Variants in MAGI2 observed in about 807,000 individuals in gnomAD.
MAGI2 encodes the protein membrane-associated guanylate kinase, WW and PDZ domain-containing protein 2.
A neutral mutation model predicts 133.3 loss-of-function variants in MAGI2; 35 were observed. That is an observed-to-expected ratio of 0.26 (90% CI 0.20 to 0.35). The LOEUF (loss-of-function observed/expected upper bound fraction) is 0.35, where lower values mean the gene tolerates loss of function less well. Ranked by LOEUF, MAGI2 falls within the 10% of genes least tolerant of loss-of-function variation. The pLI, the probability that MAGI2 is intolerant of heterozygous loss-of-function variation, is 1.00. For synonymous variants in MAGI2, 729 were observed against 710.6 expected (o/e 1.03, Z -0.41); for missense variants, 1,636 against 1,863.4 (o/e 0.88, Z 2.25).
intron 6 of MAGI2, among the ~76,000 whole-genome samples, chr7:78,417,222 T>C (rs941513320): frequency 1.3e-5 from 2 of 152,124 alleles, no homozygotes; most frequent in South Asian, 2.1e-4. Flanking sequence ...AAGACTGTTA[T>C]TTTATTTTGA....
intron 15 of MAGI2, among the ~76,000 whole-genome samples, chr7:78,166,318 T>A (rs1295559255): frequency 2.0e-5 from 3 of 152,242 alleles, no homozygotes; most frequent in African/African-American, 7.2e-5. Context: ...CTTTTTAATT[T>A]ATCTTTAGGT....
chr7:79,375,969 A>T (rs1843351522), intron 1 of MAGI2, among the ~76,000 whole-genome samples: 1 of 151,740 alleles, frequency 6.6e-6, no homozygotes, highest in East Asian at 1.9e-4. Flanking sequence ...TGTTGGTTTA[A>T]TTTTTTTTCT....
intron 2 of MAGI2, among the ~76,000 whole-genome samples, chr7:78,962,555 C>G (rs1584513763): frequency 6.8e-6 from 1 of 147,582 alleles, no homozygotes; most frequent in African/African-American, 2.5e-5. Context: ...TGCTATAACA[C>G]TTCAGAAAAT....
intron 2 of MAGI2, among the ~76,000 whole-genome samples, chr7:78,913,691 T>C (rs1798583265): frequency 6.6e-6 from 1 of 152,222 alleles, no homozygotes; most frequent in Admixed American, 6.5e-5. Flanking sequence ...CTAATTTGAC[T>C]TGCTGTTATG....
At chr7:78,399,739 AG>A (rs2151337529) in intron 6 of MAGI2, among the ~76,000 whole-genome samples, 1 of 132,142 alleles carries the variant, frequency 7.6e-6, no homozygotes, top group South Asian at 2.6e-4. Context: ...TGGGAGGTGG[AG>A]GTTGCAGTGA....
intron 2 of MAGI2, among the ~76,000 whole-genome samples, chr7:78,739,961 A>G (rs1158296728): frequency 1.3e-5 from 2 of 152,122 alleles, no homozygotes; most frequent in Non-Finnish European, 2.9e-5. Context: ...GATCAAGACC[A>G]TCCTGGCTAA....
chr7:79,347,202 T>A (rs1260474940), intron 1 of MAGI2, among the ~76,000 whole-genome samples: 1 of 152,028 alleles, frequency 6.6e-6, no homozygotes, highest in East Asian at 1.9e-4. Context: ...AATAACTGAA[T>A]GTCTTTCTGT....
chr7:78,832,987 C>A (rs1051978785), intron 2 of MAGI2, among the ~76,000 whole-genome samples: 11 of 152,100 alleles, frequency 7.2e-5, no homozygotes, highest in African/African-American at 2.2e-4. Flanking sequence ...GCTATAAATG[C>A]CCTCATCTTG....
chr7:78,361,437 C>A (rs950277351), intron 7 of MAGI2, among the ~76,000 whole-genome samples: 1 of 151,196 alleles, frequency 6.6e-6, no homozygotes, highest in Non-Finnish European at 1.5e-5. Flanking sequence ...CCCCTCCCCC[C>A]CACAAAATGT....
chr7:78,996,788 G>A (rs2116401372), intron 2 of MAGI2, among the ~76,000 whole-genome samples: 1 of 152,290 alleles, frequency 6.6e-6, no homozygotes, highest in Admixed American at 6.5e-5. Flanking sequence ...CTGGAAATAA[G>A]TATGTTAAAC....
Position 79,229,153 on chromosome 7 carries a change from C to A in MAGI2, c.302-221947G>T, listed in dbSNP as rs868372974. ...GTACTAAGCACAGGAAAAAAAAAAA[C>A]AACAACATAAGACAGAAAAGTTATT... is the stretch of plus-strand genomic sequence containing the variant. On this transcript the variant is annotated intron_variant, in intron 1 of 21. Transcript: ENST00000354212. 2.7e-3 allele frequency among the ~76,000 whole-genome samples: 394 copies of A among 146,352 alleles called. 1 individual carries two copies. Among genetic ancestry groups the A allele is most frequent in the Non-Finnish European group, 4.3e-3 (286 of 66,550 alleles).
At chr7:78,590,219 T>A (rs1803855969) in intron 3 of MAGI2, among the ~76,000 whole-genome samples, 1 of 152,216 alleles carries the variant, frequency 6.6e-6, no homozygotes, top group South Asian at 2.1e-4. Flanking sequence ...GCTTCAGCCA[T>A]CCAAGCACAA....
At chr7:78,413,850 G>A (rs1000007627) in intron 6 of MAGI2, among the ~76,000 whole-genome samples, 3 of 152,114 alleles carry the variant, frequency 2.0e-5, no homozygotes, top group Admixed American at 2.0e-4. Context: ...TCCTATAACT[G>A]TTTCAGTGGA....
intron 9 of MAGI2, among the ~76,000 whole-genome samples, chr7:78,312,180 G>C (rs1032271616): frequency 6.6e-6 from 1 of 151,904 alleles, no homozygotes. Flanking sequence ...TTGAATGGAG[G>C]CTGTGGAAAA....
Position 78,315,104 on chromosome 7 carries a change from A to G in MAGI2, c.1408+28674T>C, listed in dbSNP as rs953591038. Reference sequence around the variant, plus strand: ...GAGACCTACTGTCACATTTTTTGGCAATAGGTCTGTAAGGAAGAAGTCACT... The same window carrying G: ...GAGACCTACTGTCACATTTTTTGGCGATAGGTCTGTAAGGAAGAAGTCACT... On this transcript the variant is annotated intron_variant, in intron 9 of 21. Transcript: ENST00000354212. Among the ~76,000 whole-genome samples, 13 of 152,116 alleles carry G rather than the reference A, an allele frequency of 8.5e-5. No homozygotes were observed. The East Asian group carries it at 2.1e-3, about 25-fold the overall frequency.
At chr7:78,505,889 GAAAT>G (rs1173362353) in intron 4 of MAGI2, among the ~76,000 whole-genome samples, 2 of 68,488 alleles carry the variant, frequency 2.9e-5, no homozygotes, top group East Asian at 7.6e-4. Flanking sequence ...AGGTAAGGGA[GAAAT>G]AAATAAATGA....
intron 1 of MAGI2, among the ~76,000 whole-genome samples, chr7:79,200,520 A>G (rs950189529): frequency 6.6e-6 from 1 of 151,164 alleles, no homozygotes; most frequent in Non-Finnish European, 1.5e-5. Flanking sequence ...CTGAGGTGGG[A>G]GGATGGCTTA....
intron 1 of MAGI2, among the ~76,000 whole-genome samples, chr7:79,232,518 T>C (rs1831460654): frequency 7.3e-6 from 1 of 137,108 alleles, no homozygotes; most frequent in South Asian, 2.6e-4. Flanking sequence ...TGGTTTAGTC[T>C]TGGGAGAGTG....
chr7:78,292,726 G>A (rs571380773), intron 9 of MAGI2, among the ~76,000 whole-genome samples: 8 of 152,136 alleles, frequency 5.3e-5, no homozygotes, highest in African/African-American at 1.4e-4. Flanking sequence ...GTACTGGTAC[G>A]AAAACAGAGA....
Sources: allele counts gnomAD v4.1 joint callset (sites outside exome capture counted in the v4.1 genomes callset), GRCh38; gene constraint gnomAD v4.1.1; transcripts MANE v1.5; gene names NCBI Gene and HGNC (gene_info 2026-07-23, HGNC 2026-07-21).